The following CLASP1 variants were observed in gnomAD, a reference collection of about 807,000 sequenced individuals.
CLASP1 encodes cytoplasmic linker associated protein 1.
CLASP1 carries 38 observed loss-of-function variants against 192.3 expected under a neutral mutation model. That is an observed-to-expected ratio of 0.20 (90% CI 0.15 to 0.26). The LOEUF (loss-of-function observed/expected upper bound fraction) is 0.26. CLASP1 is among the 10% of genes least tolerant of loss of function. The pLI is 1.00. For missense variants in CLASP1, 1,433 were observed against 1,932.5 expected (o/e 0.74, Z 4.85); for synonymous variants, 691 against 712.8 (o/e 0.97, Z 0.49).
At chr2:121,561,504 T>C (rs934227504) in intron 2 of CLASP1, among the ~76,000 whole-genome samples, 12 of 152,172 alleles carry the variant, frequency 7.9e-5, no homozygotes, top group African/African-American at 2.9e-4. Context: ...AGATCAAAAG[T>C]ATCCAATCTT....
chr2:121,478,603 AAC>A (rs550579178), intron 8 of CLASP1, among the ~76,000 whole-genome samples: 1 of 141,956 alleles, frequency 7.0e-6, no homozygotes, highest in Non-Finnish European at 1.5e-5. Flanking sequence ...TCCGTCTCAA[AAC>A]ACACACACAC....
chr2:121,348,501 C>A lies in CLASP1; in HGVS notation c.4413+11G>T, dbSNP rs770451962. On this transcript the variant is annotated intron_variant, in intron 38 of 39. Coordinates refer to ENST00000263710, the Ensembl canonical transcript of CLASP1. Reference sequence around the variant, plus strand: ...AGGCCGGGGGCAGGCCCCACCAACACGAGGGCCTACCTGCAGCAAGCCTGG... The same window carrying A: ...AGGCCGGGGGCAGGCCCCACCAACAAGAGGGCCTACCTGCAGCAAGCCTGG... 1.3e-6 allele frequency: 2 copies of A among 1,599,316 alleles called. No individual in the cohort carries two copies. Among genetic ancestry groups the A allele is most frequent in the Non-Finnish European group, 1.7e-6 (2 of 1,173,338 alleles).
At chr2:121,391,122 A>G (rs922698608) in intron 30 of CLASP1, among the ~76,000 whole-genome samples, 2 of 152,208 alleles carry the variant, frequency 1.3e-5, no homozygotes, top group Non-Finnish European at 2.9e-5. Flanking sequence ...ACGCTCATAT[A>G]TTATTATATT....
intron 28 of CLASP1, among the ~76,000 whole-genome samples, chr2:121,400,505 C>T (rs886986710): frequency 2.0e-5 from 3 of 152,186 alleles, no homozygotes; most frequent in African/African-American, 7.2e-5. Context: ...GAGAAGGTTC[C>T]AGTGCTATCC....
At chr2:121,457,351 C>T (rs1006105140) in intron 14 of CLASP1, among the ~76,000 whole-genome samples, 1 of 151,980 alleles carries the variant, frequency 6.6e-6, no homozygotes, top group Admixed American at 6.6e-5. Flanking sequence ...ATAGGGCAGA[C>T]CGATGACAAA....
chr2:121,510,810 TAATA>T (rs1458043507), intron 7 of CLASP1, among the ~76,000 whole-genome samples: 1 of 151,528 alleles, frequency 6.6e-6, no homozygotes, highest in Non-Finnish European at 1.5e-5. Flanking sequence ...AAAATAATAA[TAATA>T]AATAAAAATA....
intron 38 of CLASP1, among the ~76,000 whole-genome samples, 164 bp from the exon 40 acceptor site, chr2:121,347,318 A>G (rs1051640828): frequency 2.0e-5 from 3 of 152,158 alleles, no homozygotes; most frequent in Non-Finnish European, 4.4e-5. Context: ...GACAGCTTTC[A>G]CCCCAAAGTG....
intron 30 of CLASP1, among the ~76,000 whole-genome samples, chr2:121,391,038 T>C (rs1023523428): frequency 6.6e-6 from 1 of 152,184 alleles, no homozygotes; most frequent in Non-Finnish European, 1.5e-5. Flanking sequence ...GACATAAACA[T>C]GGCTATATCA....
At chr2:121,551,673 C>T (rs1027973568) in intron 2 of CLASP1, among the ~76,000 whole-genome samples, 1 of 152,044 alleles carries the variant, frequency 6.6e-6, no homozygotes, top group Admixed American at 6.6e-5. Context: ...ATGAGAATTA[C>T]AAAACACTGC....
chr2:121,468,482 A>G (rs558095842), intron 9 of CLASP1, among the ~76,000 whole-genome samples: 17 of 151,998 alleles, frequency 1.1e-4, no homozygotes, highest in Admixed American at 4.6e-4. Flanking sequence ...CCTTGAGGAA[A>G]TCCTTCACTT....
intron 2 of CLASP1, chr2:121,530,589 G>A (rs961984958): frequency 7.5e-6 from 4 of 532,802 alleles, no homozygotes; most frequent in South Asian, 2.7e-5. Flanking sequence ...GTTAGCTGCG[G>A]GTGGAGTTCA....
At chr2:121,603,994 G>A (rs879770334) in intron 2 of CLASP1, among the ~76,000 whole-genome samples, 1 of 152,142 alleles carries the variant, frequency 6.6e-6, no homozygotes, top group Admixed American at 6.5e-5. Flanking sequence ...ATAACTTCTG[G>A]TGTTATATAC....
Position 121,371,553 on chromosome 2 carries a change from C to T in CLASP1, c.3643-3722G>A, listed in dbSNP as rs979064547. ...CATAATTGGAAAAAGTAACCCCTCA[C>T]GCATCCATCTTTTCTACTGTTCTTG... On this transcript the variant is annotated intron_variant, in intron 34 of 39. Coordinates refer to ENST00000263710, the Ensembl canonical transcript of CLASP1. Among the ~76,000 whole-genome samples, 8 of 152,062 alleles carry T rather than the reference C, an allele frequency of 5.3e-5. No individual in the cohort carries two copies. In the East Asian group the frequency reaches 7.7e-4, roughly 15 times the overall value.
Position 121,562,585 on chromosome 2 carries a change from T to C in CLASP1, c.196-32260A>G, listed in dbSNP as rs1376980512. 5.3e-5 allele frequency among the ~76,000 whole-genome samples: 8 copies of C among 152,356 alleles called. 1 individual carries two copies. Among genetic ancestry groups the C allele is most frequent in the African/African-American group, 4.8e-5 (2 of 41,584 alleles). ...TGAGTAGAATACTGAACAGCTCTTCTGAACATTTTCAGACAAATCTCTATT... is the reference window on the plus strand; with the variant it reads ...TGAGTAGAATACTGAACAGCTCTTCCGAACATTTTCAGACAAATCTCTATT... On this transcript the variant is annotated intron_variant, in intron 2 of 39. Transcript: ENST00000263710.
chr2:121,407,962 T>C (rs769923465), intron 24 of CLASP1: 83 of 590,958 alleles, frequency 1.4e-4, no homozygotes, highest in Admixed American at 1.5e-4. Context: ...GCGTAGACTT[T>C]ACAGGAAGAC....
chr2:121,561,356 T>TA (rs1359645602), intron 2 of CLASP1, among the ~76,000 whole-genome samples: 1 of 152,246 alleles, frequency 6.6e-6, no homozygotes, highest in Non-Finnish European at 1.5e-5. Context: ...ATTACTACTG[T>TA]AAAATCTATC....
At chr2:121,426,323 T>C (rs1404555672) in intron 21 of CLASP1, among the ~76,000 whole-genome samples, 1 of 152,146 alleles carries the variant, frequency 6.6e-6, no homozygotes, top group Non-Finnish European at 1.5e-5. Context: ...TAATTGTCCA[T>C]GAAGATCTAA....
chr2:121,587,455 C>T lies in CLASP1; in HGVS notation c.195+18246G>A, dbSNP rs185057330. ...AACACCTCACCTCCCCTTCCCTTCT[C>T]ATTTTAAAACCCCTCCATTTGGGAC... On this transcript the variant is annotated intron_variant, in intron 2 of 39. Coordinates refer to ENST00000263710, the Ensembl canonical transcript of CLASP1. Among the ~76,000 whole-genome samples, 116 of 152,244 alleles carry T rather than the reference C, an allele frequency of 7.6e-4. 1 individual carries two copies. The highest frequency in any genetic ancestry group is 3.0e-3 in the Admixed American group (46 of 15,300).
At chr2:121,647,702 G>A (rs1026185869) in intron 1 of CLASP1, among the ~76,000 whole-genome samples, 1 of 152,160 alleles carries the variant, frequency 6.6e-6, no homozygotes, top group African/African-American at 2.4e-5. Context: ...TGGGTTTTCC[G>A]TTCTAACACA....
Sources: gnomAD v4.1 joint callset for allele counts (sites outside exome capture counted in the v4.1 genomes callset) on GRCh38, gnomAD v4.1.1 for gene constraint, MANE v1.5 for transcripts, NCBI Gene and HGNC (gene_info 2026-07-23, HGNC 2026-07-21) for gene names.